Variants in TSHZ2 observed in about 807,000 individuals in gnomAD.
TSHZ2 encodes teashirt homolog 2.
TSHZ2 carries 21 observed loss-of-function variants against 74.4 expected under a neutral mutation model. The observed-to-expected ratio is 0.28, with a 90% CI of 0.20 to 0.41. The LOEUF (loss-of-function observed/expected upper bound fraction) is 0.41, where lower values mean the gene tolerates loss of function less well. Ranked by LOEUF, TSHZ2 falls within the 10% of genes least tolerant of loss-of-function variation. The probability of loss-of-function intolerance (pLI) is 1.00; values close to 1 mark genes in which losing one functional copy is unlikely to be tolerated. For missense variants in TSHZ2, 1,244 were observed against 1,293.5 expected, an observed-to-expected ratio of 0.96 and a Z score of 0.59; for synonymous variants, 540 against 515.3, an observed-to-expected ratio of 1.05 and a Z score of -0.65.
chr20:53,239,398 C>G (rs1568828902), intron 1 of TSHZ2, among the ~76,000 whole-genome samples: 1 of 152,094 alleles, frequency 6.6e-6, no homozygotes, highest in Non-Finnish European at 1.5e-5. Flanking sequence ...TCACAGGATA[C>G]AAAGCAAGCA....
Position 53,459,169 on chromosome 20 carries a change from G to T in TSHZ2, c.*9-27975G>T, listed in dbSNP as rs117778684. 9.4e-3 allele frequency among the ~76,000 whole-genome samples: 1,430 copies of T among 152,256 alleles called. 10 individuals carry two copies. The highest frequency in any genetic ancestry group is 0.048 in the Middle Eastern group (14 of 294). On this transcript the variant is annotated intron_variant, in intron 2 of 2. Coordinates refer to ENST00000371497, the MANE Select transcript of TSHZ2 (RefSeq NM_173485.6). The stretch of plus-strand genomic sequence containing the variant: ...GTTGACAGTGGGGTGTTAAAGACTC[G>T]CATTATTAACGTGTGGGAGTCTAAG...
At chr20:53,027,083 C>CT (rs11483881) in intron 1 of TSHZ2, among the ~76,000 whole-genome samples, 104,888 of 151,784 alleles carry the variant, frequency 0.69, 36,988 homozygotes, top group East Asian at 0.96. Flanking sequence ...TTGTTTGCAA[C>CT]TTTTTTGCTA....
intron 2 of TSHZ2, among the ~76,000 whole-genome samples, chr20:53,268,645 A>G (rs1990766886): frequency 6.6e-6 from 1 of 152,194 alleles, no homozygotes; most frequent in South Asian, 2.1e-4. Context: ...TGAACAACAA[A>G]TGGTTATTTT....
intron 1 of TSHZ2, among the ~76,000 whole-genome samples, chr20:53,180,943 G>A (rs996359053): frequency 7.2e-5 from 11 of 152,126 alleles, no homozygotes; most frequent in South Asian, 2.1e-4. Flanking sequence ...TATCCAGACC[G>A]TCTGGATAGG....
At chr20:53,482,218 T>C (rs1385917612) in intron 2 of TSHZ2, among the ~76,000 whole-genome samples, 1 of 151,112 alleles carries the variant, frequency 6.6e-6, no homozygotes, top group African/African-American at 2.4e-5. Flanking sequence ...AATACCAAAT[T>C]ATTACAAGCC....
chr20:52,983,832 T>C (rs918701550), intron 1 of TSHZ2, among the ~76,000 whole-genome samples: 1 of 152,130 alleles, frequency 6.6e-6, no homozygotes, highest in Non-Finnish European at 1.5e-5. Context: ...TTTCTGACCC[T>C]GAGGTTCAGC....
At chr20:53,323,254 G>A (rs1023312729) in intron 2 of TSHZ2, among the ~76,000 whole-genome samples, 1 of 152,186 alleles carries the variant, frequency 6.6e-6, no homozygotes, top group Non-Finnish European at 1.5e-5. Flanking sequence ...GAGAGCCAGA[G>A]GCTGGCACAC....
chr20:53,457,739 AC>A (rs1985160217), intron 2 of TSHZ2, among the ~76,000 whole-genome samples: 1 of 151,314 alleles, frequency 6.6e-6, no homozygotes, highest in Admixed American at 6.6e-5. Context: ...TCCCATCAAT[AC>A]CTAATTTATT....
chr20:53,460,931 C>G (rs1985335812), intron 2 of TSHZ2, among the ~76,000 whole-genome samples: 1 of 152,146 alleles, frequency 6.6e-6, no homozygotes, highest in African/African-American at 2.4e-5. Flanking sequence ...GGGAGAACCA[C>G]TGCTCTCTTC....
At chr20:53,357,376 A>G (rs1481006217) in intron 2 of TSHZ2, among the ~76,000 whole-genome samples, 1 of 152,112 alleles carries the variant, frequency 6.6e-6, no homozygotes, top group African/African-American at 2.4e-5. Flanking sequence ...CATTTAAAAT[A>G]CCCCCAGGCC....
chr20:53,174,759 G>C (rs1354389170), intron 1 of TSHZ2, among the ~76,000 whole-genome samples: 2 of 152,180 alleles, frequency 1.3e-5, no homozygotes, highest in Non-Finnish European at 2.9e-5. Flanking sequence ...GGTGATTCAA[G>C]TCCACGGAGG....
At chr20:53,149,323 A>T (rs1185625973) in intron 1 of TSHZ2, among the ~76,000 whole-genome samples, 1 of 151,446 alleles carries the variant, frequency 6.6e-6, no homozygotes, top group Non-Finnish European at 1.5e-5. Context: ...AGGGATTGAA[A>T]TTTTTTTTCT....
intron 2 of TSHZ2, among the ~76,000 whole-genome samples, chr20:53,288,623 G>A (rs1007361640): frequency 6.6e-6 from 1 of 152,064 alleles, no homozygotes; most frequent in African/African-American, 2.4e-5. Context: ...GCCAGACACT[G>A]TAGTAGGTTC....
chr20:52,983,819 T>C (rs1470216168), intron 1 of TSHZ2, among the ~76,000 whole-genome samples: 2 of 152,174 alleles, frequency 1.3e-5, no homozygotes, highest in Non-Finnish European at 2.9e-5. Flanking sequence ...TGGAGGGTCC[T>C]CATTTCTGAC....
At chr20:53,173,305 A>G (rs1242235989) in intron 1 of TSHZ2, among the ~76,000 whole-genome samples, 1 of 152,240 alleles carries the variant, frequency 6.6e-6, no homozygotes, top group African/African-American at 2.4e-5. Context: ...CTAGGTAAGT[A>G]TTTAAATAAT....
intron 1 of TSHZ2, among the ~76,000 whole-genome samples, chr20:53,180,052 G>A (rs1239116339): frequency 5.3e-5 from 8 of 152,218 alleles, no homozygotes; most frequent in African/African-American, 1.4e-4. Context: ...TTTATAGAAT[G>A]TCGAACCATT....
chr20:53,213,215 G>T (rs1264332708), intron 1 of TSHZ2, among the ~76,000 whole-genome samples: 1 of 152,096 alleles, frequency 6.6e-6, no homozygotes, highest in Non-Finnish European at 1.5e-5. Flanking sequence ...GCTACCTTAG[G>T]TTTAAGTCAC....
chr20:53,404,742 C>T (rs148717808), intron 2 of TSHZ2, among the ~76,000 whole-genome samples: 102 of 152,246 alleles, frequency 6.7e-4, no homozygotes, highest in African/African-American at 2.1e-3. Flanking sequence ...GGTTTATTAA[C>T]GAAATATCCT....
At chr20:53,139,446 C>T (rs1987333010) in intron 1 of TSHZ2, among the ~76,000 whole-genome samples, 2 of 152,180 alleles carry the variant, frequency 1.3e-5, no homozygotes. Flanking sequence ...CAAAGCAAGC[C>T]CTTTCTTTAA....
Sources: gnomAD v4.1 joint callset for allele counts (sites outside exome capture counted in the v4.1 genomes callset) on GRCh38, gnomAD v4.1.1 for gene constraint, MANE v1.5 for transcripts, NCBI Gene and HGNC (gene_info 2026-07-23, HGNC 2026-07-21) for gene names.